The following WDFY3 variants were observed in gnomAD, a reference collection of about 807,000 sequenced individuals.
The protein encoded by WDFY3 is WD repeat and FYVE domain-containing protein 3.
Under a neutral mutation model 409.6 loss-of-function variants are expected in WDFY3, and 66 were observed. That is an observed-to-expected ratio of 0.16 (90% confidence interval 0.13 to 0.20). The LOEUF is 0.20. Among genes scored for constraint, WDFY3 ranks in the 10% least tolerant of loss-of-function variants. WDFY3 has a pLI of 1.00. For missense variants in WDFY3, 3,031 were observed against 4,298.1 expected (o/e 0.71, Z 8.24); for synonymous variants, 1,521 against 1,537.1 (o/e 0.99, Z 0.25).
intron 67 of WDFY3, among the ~76,000 whole-genome samples, chr4:84,673,651 T>C (rs2148699893): frequency 6.6e-6 from 1 of 152,328 alleles, no homozygotes; most frequent in South Asian, 2.1e-4. Flanking sequence ...GAGACTATTC[T>C]TAAGAGATGT....
At chr4:84,822,733 CAAA>C (rs954560507) in intron 10 of WDFY3, among the ~76,000 whole-genome samples, 29 of 152,046 alleles carry the variant, frequency 1.9e-4, no homozygotes, top group African/African-American at 7.0e-4. Flanking sequence ...AACAAACAAA[CAAA>C]AAAGAATGCT....
intron 1 of WDFY3, among the ~76,000 whole-genome samples, chr4:84,944,748 C>G (rs1159054621): frequency 1.3e-5 from 2 of 149,670 alleles, no homozygotes; most frequent in Non-Finnish European, 3.0e-5. Context: ...GCCGAGATCA[C>G]GCCACTGCAC....
chr4:84,906,770 G>GA (rs1232444209), intron 2 of WDFY3, among the ~76,000 whole-genome samples: 120 of 142,134 alleles, frequency 8.4e-4, no homozygotes, highest in Non-Finnish European at 1.5e-3. Flanking sequence ...GATATTTTGT[G>GA]ATTTTTTTTT....
intron 29 of WDFY3, 49 bp downstream of exon 29, chr4:84,774,770 AT>A (rs1745263876): frequency 2.6e-6 from 4 of 1,549,122 alleles, no homozygotes; most frequent in Admixed American, 2.1e-5. Flanking sequence ...TCTTAACCTC[AT>A]TGGTACTTTT....
intron 4 of WDFY3, among the ~76,000 whole-genome samples, chr4:84,855,996 C>T (rs1343937547): frequency 6.6e-6 from 1 of 152,126 alleles, no homozygotes; most frequent in Non-Finnish European, 1.5e-5. Context: ...GGTAAGTAAA[C>T]ATGACTATTT....
chr4:84,913,013 C>T (rs887368066), intron 2 of WDFY3, among the ~76,000 whole-genome samples: 1 of 152,128 alleles, frequency 6.6e-6, no homozygotes, highest in East Asian at 1.9e-4. Flanking sequence ...GATACTTTGT[C>T]GCTGAAGTTA....
intron 1 of WDFY3, among the ~76,000 whole-genome samples, chr4:84,953,097 C>A (rs1242706563): frequency 6.6e-6 from 1 of 150,898 alleles, no homozygotes; most frequent in East Asian, 1.9e-4. Flanking sequence ...TATTATTCAG[C>A]CTTAAAAAAA....
intron 2 of WDFY3, among the ~76,000 whole-genome samples, chr4:84,920,186 A>C (rs1052679127): frequency 3.9e-5 from 6 of 152,186 alleles, no homozygotes; most frequent in Non-Finnish European, 8.8e-5. Context: ...AAGACATCAA[A>C]TATAAACGCA....
At chr4:84,859,455 A>G (rs1760246298) in intron 4 of WDFY3, among the ~76,000 whole-genome samples, 1 of 152,214 alleles carries the variant, frequency 6.6e-6, no homozygotes, top group Non-Finnish European at 1.5e-5. Flanking sequence ...ATGTTATTTA[A>G]AAGTCTTTCA....
At chr4:84,726,674 A>G (rs1044120329) in intron 45 of WDFY3, among the ~76,000 whole-genome samples, 187 bp downstream of exon 45, 2 of 152,154 alleles carry the variant, frequency 1.3e-5, no homozygotes, top group Non-Finnish European at 2.9e-5. Flanking sequence ...AAGCTGAGCA[A>G]CAGTAGAACA....
Position 84,849,959 on chromosome 4 carries a change from G to T in WDFY3, c.247C>A (p.Gln83Lys). Reference protein sequence around the residue: ...KFSDLLQFTTQVSRLMVTEIR... With the variant: ...KFSDLLQFTTKVSRLMVTEIR... ...TCTGTCACCATTAGTCGTGAGACTT[G>T]TGTTGTGAACTGCAGAAGATCAGAA... Residue 83 changes from glutamine (Q) to lysine (K), a missense_variant, in exon 5 of 68, where the codon CAA becomes AAA. Coordinates refer to ENST00000295888, the MANE Select transcript of WDFY3 (RefSeq NM_014991.6). The T allele has an allele frequency of 6.2e-7, 1 of 1,611,358 alleles. No homozygotes were observed. Among genetic ancestry groups the T allele is most frequent in the Non-Finnish European group, 8.5e-7 (1 of 1,179,124 alleles).
At chr4:84,762,279 A>C (rs976042569) in intron 32 of WDFY3, among the ~76,000 whole-genome samples, 2 of 151,994 alleles carry the variant, frequency 1.3e-5, no homozygotes, top group African/African-American at 4.8e-5. Context: ...AATACTATGC[A>C]GCCATAAAAA....
At chr4:84,858,896 C>A (rs879642688) in intron 4 of WDFY3, among the ~76,000 whole-genome samples, 3 of 150,864 alleles carry the variant, frequency 2.0e-5, no homozygotes, top group Non-Finnish European at 3.0e-5. Context: ...GAAATAGGGA[C>A]AGAGAGGAGA....
chr4:84,696,299 CAT>C (rs1454465239), intron 57 of WDFY3, 117 bp from the exon 58 acceptor site: 3 of 896,794 alleles, frequency 3.3e-6, no homozygotes, highest in Non-Finnish European at 5.1e-6. Flanking sequence ...ATAAAAACAA[CAT>C]AGTATTCCCC....
chr4:84,879,889 G>C (rs1351988011), intron 3 of WDFY3, among the ~76,000 whole-genome samples: 2 of 152,142 alleles, frequency 1.3e-5, no homozygotes, highest in Non-Finnish European at 2.9e-5. Context: ...ACACAACCTT[G>C]TTAGTCATAA....
chr4:84,835,752 T>C (rs1388572753), intron 7 of WDFY3, among the ~76,000 whole-genome samples: 1 of 152,166 alleles, frequency 6.6e-6, no homozygotes, highest in Non-Finnish European at 1.5e-5. Flanking sequence ...TATACAGCTC[T>C]ATCTTTTCTA....
At chr4:84,900,494 T>C (rs1766209091) in intron 2 of WDFY3, among the ~76,000 whole-genome samples, 1 of 152,232 alleles carries the variant, frequency 6.6e-6, no homozygotes, top group Non-Finnish European at 1.5e-5. Context: ...ATTACAGTCA[T>C]GAGCCACTGC....
intron 13 of WDFY3, among the ~76,000 whole-genome samples, chr4:84,815,538 T>C (rs182835536): frequency 4.6e-5 from 7 of 152,322 alleles, no homozygotes; most frequent in Non-Finnish European, 7.4e-5. Flanking sequence ...CTTCAACCTC[T>C]ACTTTTTGGA....
At chr4:84,775,013 C>T (rs1745311078) in intron 28 of WDFY3, 32 bp from the exon 29 acceptor site, 2 of 1,613,458 alleles carry the variant, frequency 1.2e-6, no homozygotes, top group African/African-American at 1.3e-5. Context: ...ATACACTGTA[C>T]TATCACCTTT....
Sources: gnomAD v4.1 joint callset for allele counts (sites outside exome capture counted in the v4.1 genomes callset) on GRCh38, gnomAD v4.1.1 for gene constraint, MANE v1.5 for transcripts, NCBI Gene and HGNC (gene_info 2026-07-23, HGNC 2026-07-21) for gene names.